The following MMP16 variants were observed in gnomAD, a reference collection of about 807,000 sequenced individuals.
MMP16 encodes the protein matrix metallopeptidase 16, also known as matrix metalloproteinase-16.
MMP16 carries 12 observed loss-of-function variants against 67.8 expected under a neutral mutation model. That is an observed-to-expected ratio of 0.18 (90% CI 0.11 to 0.29). The LOEUF (loss-of-function observed/expected upper bound fraction) is 0.29, where lower values mean the gene tolerates loss of function less well. MMP16 is among the 10% of genes least tolerant of loss of function. MMP16 has a pLI of 1.00. For synonymous variants in MMP16, 249 were observed against 255.9 expected, an observed-to-expected ratio of 0.97 and a Z score of 0.26; for missense variants, 475 against 765.7, an observed-to-expected ratio of 0.62 and a Z score of 4.48.
chr8:88,139,734 A>G (rs1808181116), intron 4 of MMP16, among the ~76,000 whole-genome samples: 2 of 152,162 alleles, frequency 1.3e-5, no homozygotes, highest in South Asian at 4.1e-4. Context: ...TGTTTCAATT[A>G]GTAATTTGTA....
chr8:88,159,982 T>C (rs1368672631), intron 4 of MMP16, among the ~76,000 whole-genome samples: 1 of 151,934 alleles, frequency 6.6e-6, no homozygotes, highest in East Asian at 1.9e-4. Context: ...TATTTTATTA[T>C]TATTACACTT....
intron 1 of MMP16, among the ~76,000 whole-genome samples, chr8:88,211,769 T>C (rs1202896997): frequency 6.6e-6 from 1 of 152,160 alleles, no homozygotes; most frequent in Non-Finnish European, 1.5e-5. Context: ...CCCTACTAAG[T>C]ATGGAAAGAT....
chr8:88,239,618 C>A (rs1344368076), intron 1 of MMP16, among the ~76,000 whole-genome samples: 1 of 151,688 alleles, frequency 6.6e-6, no homozygotes, highest in Non-Finnish European at 1.5e-5. Context: ...GTAAACAAAA[C>A]CTTTACATGA....
chr8:88,168,039 C>T (rs956603216), intron 3 of MMP16, 66 bp from the exon 4 acceptor site: 17 of 1,242,324 alleles, frequency 1.4e-5, no homozygotes, highest in African/African-American at 1.1e-4. Flanking sequence ...AGGTTTTGAT[C>T]GATTCAGTTA....
At chr8:88,157,932 T>G (rs1808541934) in intron 4 of MMP16, among the ~76,000 whole-genome samples, 1 of 152,040 alleles carries the variant, frequency 6.6e-6, no homozygotes, top group Admixed American at 6.6e-5. Context: ...TTTGGTTTTT[T>G]GTCCTTGCAA....
chr8:88,170,234 G>A (rs1808777707), intron 3 of MMP16, among the ~76,000 whole-genome samples: 1 of 152,168 alleles, frequency 6.6e-6, no homozygotes, highest in Admixed American at 6.5e-5. Flanking sequence ...GCCTGCTCAG[G>A]GAGAAGGCTA....
chr8:88,222,024 CT>C (rs1005612996), intron 1 of MMP16, among the ~76,000 whole-genome samples: 13 of 151,572 alleles, frequency 8.6e-5, no homozygotes, highest in South Asian at 4.2e-4. Flanking sequence ...CATCCTCCTG[CT>C]TTTTTTTATA....
intron 9 of MMP16, among the ~76,000 whole-genome samples, chr8:88,045,158 T>C (rs1808181950): frequency 6.6e-6 from 1 of 151,956 alleles, no homozygotes; most frequent in South Asian, 2.1e-4. Flanking sequence ...AAGGTTCTTT[T>C]TGACTTTGCC....
intron 4 of MMP16, among the ~76,000 whole-genome samples, chr8:88,123,763 G>A (rs1807880310): frequency 6.6e-6 from 1 of 151,850 alleles, no homozygotes; most frequent in African/African-American, 2.4e-5. Flanking sequence ...CCTAAAAAGA[G>A]TTAGGTCATA....
At chr8:88,241,926 A>G (rs1161493792) in intron 1 of MMP16, among the ~76,000 whole-genome samples, 1 of 152,178 alleles carries the variant, frequency 6.6e-6, no homozygotes, top group Non-Finnish European at 1.5e-5. Context: ...ACGGATATGA[A>G]AAGATATCAA....
intron 1 of MMP16, among the ~76,000 whole-genome samples, chr8:88,283,478 T>C (rs1478187041): frequency 6.6e-6 from 1 of 152,174 alleles, no homozygotes; most frequent in African/African-American, 2.4e-5. Context: ...TTGTGAAGAT[T>C]AAATGACACG....
chr8:88,079,472 G>A (rs189974425), intron 6 of MMP16, among the ~76,000 whole-genome samples: 107 of 152,220 alleles, frequency 7.0e-4, no homozygotes, highest in South Asian at 2.7e-3. Flanking sequence ...GCAGTTTGAG[G>A]CATCCACTGG....
At chr8:88,265,907 T>C (rs897324282) in intron 1 of MMP16, among the ~76,000 whole-genome samples, 1 of 152,046 alleles carries the variant, frequency 6.6e-6, no homozygotes, top group African/African-American at 2.4e-5. Flanking sequence ...AGAAATGGAG[T>C]TGAATGGCCT....
chr8:88,145,341 G>T (rs1464454179), intron 4 of MMP16, among the ~76,000 whole-genome samples: 2 of 151,812 alleles, frequency 1.3e-5, no homozygotes, highest in African/African-American at 4.8e-5. Flanking sequence ...TCTAAAGAAA[G>T]AAAAGGTACA....
At chr8:88,236,916 A>G (rs1199851943) in intron 1 of MMP16, among the ~76,000 whole-genome samples, 2 of 152,176 alleles carry the variant, frequency 1.3e-5, no homozygotes, top group Non-Finnish European at 2.9e-5. Context: ...ACTTAAGGCA[A>G]AATTAGTATT....
intron 1 of MMP16, among the ~76,000 whole-genome samples, chr8:88,283,899 C>T (rs1810782127): frequency 6.6e-6 from 1 of 152,168 alleles, no homozygotes; most frequent in Non-Finnish European, 1.5e-5. Flanking sequence ...TGACCAATGC[C>T]AACAAGGTGA....
intron 4 of MMP16, among the ~76,000 whole-genome samples, chr8:88,137,151 C>T (rs554398155): frequency 6.7e-4 from 102 of 151,800 alleles, no homozygotes; most frequent in Admixed American, 2.2e-3. Flanking sequence ...AATTTTCATA[C>T]GCTTATTTGT....
At chr8:88,118,960 A>G (rs1563537292) in intron 4 of MMP16, 99 bp from the exon 5 acceptor site, 2 of 1,121,310 alleles carry the variant, frequency 1.8e-6, no homozygotes, top group East Asian at 5.2e-5. Flanking sequence ...CAAGAAAAAT[A>G]GGAGGTACTC....
At chr8:88,110,508 TG>T (rs1412490670) in intron 6 of MMP16, among the ~76,000 whole-genome samples, 1 of 151,542 alleles carries the variant, frequency 6.6e-6, no homozygotes, top group Non-Finnish European at 1.5e-5. Context: ...TGGTCTTATG[TG>T]AATCTAGACC....
Sources: gnomAD v4.1 joint callset for allele counts (sites outside exome capture counted in the v4.1 genomes callset) on GRCh38, gnomAD v4.1.1 for gene constraint, MANE v1.5 for transcripts, NCBI Gene and HGNC (gene_info 2026-07-23, HGNC 2026-07-21) for gene names.